RANBP2: variants seen among roughly 807,000 people sequenced by gnomAD.
RANBP2 encodes RAN binding protein 2, also known as E3 SUMO-protein ligase RanBP2.
Under a neutral mutation model 303.6 loss-of-function variants are expected in RANBP2, and 57 were observed. The observed-to-expected ratio is 0.19, with a 90% CI of 0.15 to 0.23. The LOEUF (loss-of-function observed/expected upper bound fraction) is 0.23, where lower values mean the gene tolerates loss of function less well. Ranked by LOEUF, RANBP2 falls within the 10% of genes least tolerant of loss-of-function variation. RANBP2 has a pLI of 1.00. For missense variants in RANBP2, 3,138 were observed against 3,780.8 expected, an observed-to-expected ratio of 0.83 and a Z score of 4.46; for synonymous variants, 1,167 against 1,301.5, an observed-to-expected ratio of 0.90 and a Z score of 2.23.
chr2:109,173,122 T>A, the RANBP2 span, among the ~76,000 whole-genome samples: 1 of 152,258 alleles, frequency 6.6e-6, no homozygotes, highest in African/African-American at 2.4e-5. Flanking sequence ...CATCTTTTTT[T>A]AACTCAAATT....
At chr2:108,788,859 G>A (rs753355905), downstream of RANBP2, 34 of 1,614,012 alleles carry the variant, frequency 2.1e-5, no homozygotes, top group Non-Finnish European at 2.8e-5. Context: ...CAGGTGATTT[G>A]GATATCTACT....
the RANBP2 span, among the ~76,000 whole-genome samples, chr2:109,423,573 C>T: frequency 2.7e-3 from 418 of 152,254 alleles, no homozygotes; most frequent in African/African-American, 9.8e-3. Flanking sequence ...ACTGGATCAG[C>T]GTGAGTTCAA....
the RANBP2 span, among the ~76,000 whole-genome samples, chr2:108,828,237 C>T: frequency 6.6e-6 from 1 of 151,944 alleles, no homozygotes; most frequent in Non-Finnish European, 1.5e-5. Flanking sequence ...AAATATTTAT[C>T]AAATACGAGA....
the RANBP2 span, among the ~76,000 whole-genome samples, chr2:109,427,069 A>G: frequency 3.9e-5 from 6 of 152,082 alleles, no homozygotes; most frequent in African/African-American, 1.2e-4. Flanking sequence ...CCTGGGTTCA[A>G]GCGATTCTCT....
chr2:109,559,162 A>G, the RANBP2 span, among the ~76,000 whole-genome samples: 1 of 152,254 alleles, frequency 6.6e-6, no homozygotes, highest in East Asian at 1.9e-4. Context: ...CTGAAATTAC[A>G]GGCATAAGCC....
At chr2:108,977,090 C>T in the RANBP2 span, among the ~76,000 whole-genome samples, 3 of 152,238 alleles carry the variant, frequency 2.0e-5, no homozygotes, top group South Asian at 2.1e-4. Flanking sequence ...GTGATCAGGA[C>T]GCCAATAAGG....
chr2:108,869,235 A>G, the RANBP2 span, among the ~76,000 whole-genome samples: 2 of 152,250 alleles, frequency 1.3e-5, no homozygotes, highest in East Asian at 3.9e-4. Context: ...AACCCAGCAA[A>G]TGCCCAATCA....
chr2:109,338,798 T>A, the RANBP2 span, among the ~76,000 whole-genome samples: 1 of 152,280 alleles, frequency 6.6e-6, no homozygotes, highest in East Asian at 1.9e-4. Context: ...CCTCAGGTGA[T>A]CCACCCGCCT....
At chr2:108,836,940 ATTC>A in the RANBP2 span, among the ~76,000 whole-genome samples, 1 of 151,136 alleles carries the variant, frequency 6.6e-6, no homozygotes, top group Admixed American at 6.6e-5. Context: ...GAATTTATGT[ATTC>A]TTTTTTTTTT....
intron 1 of RANBP2, among the ~76,000 whole-genome samples, chr2:108,724,712 T>C (rs1489222657): frequency 6.6e-6 from 1 of 152,134 alleles, no homozygotes; most frequent in Non-Finnish European, 1.5e-5. Flanking sequence ...CTTTTGTTTG[T>C]TCTGCCTTTT....
chr2:109,435,407 T>C, the RANBP2 span, among the ~76,000 whole-genome samples: 1 of 152,180 alleles, frequency 6.6e-6, no homozygotes, highest in Non-Finnish European at 1.5e-5. Context: ...GATTGGAGGG[T>C]AGGCGAAGGC....
At position 108,751,739 on chromosome 2, in the gene RANBP2, T is replaced by C. The variant is rs1239210563; in HGVS notation, c.1631+36T>C. 3.1e-6 allele frequency: 5 copies of C among 1,611,538 alleles called. No homozygotes were observed. In the Admixed American group the frequency reaches 6.7e-5, roughly 22 times the overall value. ...AAACAAAAATATTGCTTTCACTTAG[T>C]GCGTAGGTTTTACCGGGGATTTAAT... is the stretch of plus-strand genomic sequence containing the variant. On this transcript the variant is annotated intron_variant, in intron 11 of 28. Coordinates refer to ENST00000283195, the MANE Select transcript of RANBP2 (RefSeq NM_006267.5).
chr2:108,910,620 C>CAGCTCTGCCCAACAGGA, the RANBP2 span: 2 of 1,395,750 alleles, frequency 1.4e-6, no homozygotes, highest in African/African-American at 1.4e-5. Flanking sequence ...TCCTGTTGGG[C>CAGCTCTGCCCAACAGGA]AGAGCTGCCC....
At chr2:109,455,017 T>C in the RANBP2 span, among the ~76,000 whole-genome samples, 4 of 152,330 alleles carry the variant, frequency 2.6e-5, no homozygotes, top group East Asian at 7.7e-4. Context: ...CTAAAGATGT[T>C]TTATATTAAA....
chr2:109,128,112 C>A, the RANBP2 span: 2 of 152,346 alleles, frequency 1.3e-5, no homozygotes, highest in South Asian at 4.1e-4. Flanking sequence ...GGGCCCTGGA[C>A]TGGAACCCAG....
the RANBP2 span, chr2:109,565,698 C>T: frequency 2.3e-6 from 3 of 1,311,224 alleles, no homozygotes; most frequent in Admixed American, 1.7e-5. Context: ...CCAAAGAAGG[C>T]ATGACAGGTA....
chr2:108,835,641 C>G, the RANBP2 span, among the ~76,000 whole-genome samples: 24 of 152,196 alleles, frequency 1.6e-4, no homozygotes, highest in African/African-American at 3.9e-4. Flanking sequence ...TATAATTTCT[C>G]AAACTGTGAC....
chr2:109,579,594 G>A, the RANBP2 span, among the ~76,000 whole-genome samples: 1 of 151,300 alleles, frequency 6.6e-6, no homozygotes, highest in Non-Finnish European at 1.5e-5. Context: ...TGCTGGTCAG[G>A]CTGGTCTCAA....
At chr2:109,506,045 G>T in the RANBP2 span, among the ~76,000 whole-genome samples, 1 of 152,200 alleles carries the variant, frequency 6.6e-6, no homozygotes, top group Non-Finnish European at 1.5e-5. Flanking sequence ...CCAGATCCAT[G>T]CTCCTAAGCA....
Sources: allele counts gnomAD v4.1 joint callset (sites outside exome capture counted in the v4.1 genomes callset), GRCh38; gene constraint gnomAD v4.1.1; transcripts MANE v1.5; gene names NCBI Gene and HGNC (gene_info 2026-07-23, HGNC 2026-07-21).